The following CDH20 variants were observed in gnomAD, a reference collection of about 807,000 sequenced individuals.
CDH20 encodes cadherin 20.
A neutral mutation model predicts 74.2 loss-of-function variants in CDH20; 29 were observed. That is an observed-to-expected ratio of 0.39 (90% CI 0.29 to 0.53). The LOEUF is 0.53. Ranked by LOEUF, CDH20 falls within the 20% of genes least tolerant of loss-of-function variation. CDH20 has a pLI of 0.69. For synonymous variants in CDH20, 469 were observed against 405.4 expected (o/e 1.16, Z -1.88); for missense variants, 988 against 1,048.3 (o/e 0.94, Z 0.79).
At chr18:61,394,970 G>A (rs1346971879) in intron 1 of CDH20, among the ~76,000 whole-genome samples, 1 of 151,952 alleles carries the variant, frequency 6.6e-6, no homozygotes, top group Non-Finnish European at 1.5e-5. Context: ...TGTTCCCCTA[G>A]AAGAAACCAC....
chr18:61,405,228 G>C, intron 1 of CDH20: 1 of 391,924 alleles, frequency 2.6e-6, no homozygotes, highest in Non-Finnish European at 4.8e-6. Context: ...GGTGTGGGAT[G>C]GCCCCCAACC....
chr18:61,410,815 T>G (rs1376977766), intron 1 of CDH20, among the ~76,000 whole-genome samples: 1 of 152,220 alleles, frequency 6.6e-6, no homozygotes, highest in African/African-American at 2.4e-5. Context: ...AGTATTTTTA[T>G]AATCTTTGAA....
At chr18:61,544,175 G>A (rs1325540496) in intron 9 of CDH20, among the ~76,000 whole-genome samples, 1 of 152,190 alleles carries the variant, frequency 6.6e-6, no homozygotes, top group Non-Finnish European at 1.5e-5. Context: ...CCCCCTTGCA[G>A]AACAGGGGTG....
intron 1 of CDH20, among the ~76,000 whole-genome samples, chr18:61,465,463 T>C (rs1053013375): frequency 6.6e-6 from 1 of 152,078 alleles, no homozygotes; most frequent in Non-Finnish European, 1.5e-5. Flanking sequence ...TAAAATAAAA[T>C]AGAAGTAGCA....
intron 1 of CDH20, among the ~76,000 whole-genome samples, chr18:61,381,300 G>A (rs1911425677): frequency 6.6e-6 from 1 of 152,164 alleles, no homozygotes. Flanking sequence ...GGTATGTACT[G>A]TGAATTTCTC....
chr18:61,486,766 A>T (rs1425752008), intron 1 of CDH20, among the ~76,000 whole-genome samples: 2 of 152,196 alleles, frequency 1.3e-5, no homozygotes, highest in African/African-American at 4.8e-5. Context: ...CAGAACCTTA[A>T]AACACCCCAT....
chr18:61,528,448 C>CACACATACACAT (rs71178979), intron 7 of CDH20, among the ~76,000 whole-genome samples: 52 of 143,036 alleles, frequency 3.6e-4, no homozygotes, highest in African/African-American at 1.2e-3. Flanking sequence ...TTGGTTGAGA[C>CACACATACACAT]ACACACACAC....
rs1337758006 is a variant in CDH20 at position 61,353,976 on chromosome 18, G to A, written c.-153+20149G>A. ...CGTGCACCTGTGGTCCCAGCTACTT[G>A]GGAGGTTGCAAGTGAGCCAAGATTG... is the stretch of plus-strand genomic sequence containing the variant. On this transcript the variant is annotated intron_variant, in intron 1 of 11. Coordinates refer to ENST00000262717, the MANE Select transcript of CDH20 (RefSeq NM_031891.4). The surrounding 1 kb of genome is among the most constrained non-coding windows in gnomAD (Gnocchi z 4.6). Among the ~76,000 whole-genome samples the A allele has an allele frequency of 2.0e-5, 3 of 151,420 alleles. No individual in the cohort carries two copies. Among genetic ancestry groups the A allele is most frequent in the Non-Finnish European group, 4.4e-5 (3 of 67,914 alleles).
At chr18:61,495,705 C>T (rs1245058473) in intron 2 of CDH20, among the ~76,000 whole-genome samples, 3 of 152,190 alleles carry the variant, frequency 2.0e-5, no homozygotes, top group African/African-American at 7.2e-5. Flanking sequence ...AGAATCCCCA[C>T]CTCCCTTGTG....
At chr18:61,479,639 G>T (rs1185841649) in intron 1 of CDH20, among the ~76,000 whole-genome samples, 1 of 146,498 alleles carries the variant, frequency 6.8e-6, no homozygotes, top group African/African-American at 2.5e-5. Flanking sequence ...TTCTTTTCTT[G>T]TCTTCTCTAT....
chr18:61,528,205 C>T lies in CDH20; in HGVS notation c.1256C>T (p.Thr419Ile). ...ATTTCTGCCAAGGACCCAGATGTGA[C>T]CAACAACTCAATCAGGTTTTTCCAC... ...QIISAKDPDV[T>I]NNSIRYSIDR... The change falls in exon 7 of 12, where the codon ACC becomes ATC. Residue 419 changes from threonine (T) to isoleucine (I), a missense_variant. Thr to Ile is a moderately conservative substitution (Grantham distance 89, BLOSUM62 -1). This residue lies in a region of CDH20 where 613 missense variants were observed against 755.2 expected (regional missense o/e 0.81). Coordinates refer to ENST00000262717, the MANE Select transcript of CDH20 (RefSeq NM_031891.4). 1 of 1,614,006 alleles carries T rather than the reference C, an allele frequency of 6.2e-7. No homozygotes were observed. Among genetic ancestry groups the T allele is most frequent in the African/African-American group, 1.3e-5 (1 of 75,010 alleles).
At chr18:61,492,508 C>T (rs373705104) in intron 2 of CDH20, among the ~76,000 whole-genome samples, 52 of 152,204 alleles carry the variant, frequency 3.4e-4, no homozygotes, top group African/African-American at 1.2e-3. Context: ...CCAGACACCT[C>T]CCCACAGCTA....
chr18:61,394,744 C>T (rs1244195824), intron 1 of CDH20, among the ~76,000 whole-genome samples: 1 of 152,066 alleles, frequency 6.6e-6, no homozygotes, highest in Non-Finnish European at 1.5e-5. Flanking sequence ...ACGAACTCCT[C>T]ATGGCCTCCA....
intron 7 of CDH20, among the ~76,000 whole-genome samples, chr18:61,533,108 A>G (rs897050532): frequency 8.5e-5 from 13 of 152,162 alleles, no homozygotes. Context: ...TGGGCAACAC[A>G]GGCTGTTTAA....
intron 1 of CDH20, among the ~76,000 whole-genome samples, chr18:61,471,358 A>G (rs1910169580): frequency 6.6e-6 from 1 of 152,248 alleles, no homozygotes; most frequent in Non-Finnish European, 1.5e-5. Context: ...ACAAGAGATA[A>G]TGTCAGAGTT....
intron 1 of CDH20, among the ~76,000 whole-genome samples, chr18:61,396,882 C>T (rs1365508570): frequency 6.6e-6 from 1 of 152,198 alleles, no homozygotes; most frequent in Non-Finnish European, 1.5e-5. Context: ...TTGCTGAGGG[C>T]ATTTGCAATT....
At chr18:61,357,063 G>A (rs1159438681) in intron 1 of CDH20, among the ~76,000 whole-genome samples, 1 of 152,124 alleles carries the variant, frequency 6.6e-6, no homozygotes, top group Non-Finnish European at 1.5e-5. Context: ...TAAAACAAAT[G>A]GAAGGGACAA....
intron 7 of CDH20, 135 bp downstream of exon 7, chr18:61,528,355 TGTTG>T (rs1912516053): frequency 5.3e-6 from 5 of 939,042 alleles, no homozygotes; most frequent in Non-Finnish European, 6.4e-6. Context: ...GAGTTTTTTG[TGTTG>T]TTTTTTTTTT....
At chr18:61,362,352 G>A (rs912633441) in intron 1 of CDH20, among the ~76,000 whole-genome samples, 1 of 152,122 alleles carries the variant, frequency 6.6e-6, no homozygotes, top group African/African-American at 2.4e-5. Context: ...TAGCAGCAGA[G>A]TCAATGCTGT....
Sources: gnomAD v4.1 joint callset for allele counts (sites outside exome capture counted in the v4.1 genomes callset) on GRCh38, gnomAD v4.1.1 for gene constraint, gnomAD v4.1.1 regional missense constraint, Gnocchi (gnomAD v3.1) non-coding constraint, MANE v1.5 for transcripts, NCBI Gene and HGNC (gene_info 2026-07-23, HGNC 2026-07-21) for gene names.